The following NSMCE4A variants were observed in gnomAD, a reference collection of about 807,000 sequenced individuals.
The protein encoded by NSMCE4A is NSE4A component of SMC5/6 complex, also known as non-structural maintenance of chromosomes element 4 homolog A.
NSMCE4A carries 40 observed loss-of-function variants against 47.9 expected under a neutral mutation model. That is an observed-to-expected ratio of 0.83 (90% CI 0.65 to 1.09). The LOEUF (loss-of-function observed/expected upper bound fraction) is 1.09. Ranked by LOEUF, NSMCE4A falls within the 50% of genes least tolerant of loss-of-function variation. The pLI, the probability that NSMCE4A is intolerant of heterozygous loss-of-function variation, is 0.00. For synonymous variants in NSMCE4A, 166 were observed against 178.5 expected (o/e 0.93, Z 0.56); for missense variants, 500 against 507.0 (o/e 0.99, Z 0.13).
chr10:121,974,800 C>A (rs1001767906), intron 1 of NSMCE4A, 74 bp downstream of exon 1: 2 of 1,229,952 alleles, frequency 1.6e-6, no homozygotes, highest in Non-Finnish European at 1.0e-6. Flanking sequence ...CCTCCGGTGC[C>A]CTCCCCCCGC....
rs1299538134 is a variant in NSMCE4A at position 121,960,873 on chromosome 10, T to G, written c.940-467A>C. 6.6e-6 allele frequency among the ~76,000 whole-genome samples: 1 copy of G among 152,186 alleles called. No homozygotes were observed. The highest frequency in any genetic ancestry group is 1.5e-5 in the Non-Finnish European group (1 of 68,036). ...AAAGATAGTCTAAAGCAAATTTCCATGGTACATATCTGAGTAGAGTTTTAA... is the reference window on the plus strand; with the variant it reads ...AAAGATAGTCTAAAGCAAATTTCCAGGGTACATATCTGAGTAGAGTTTTAA... On this transcript the variant is annotated intron_variant, in intron 7 of 10. Coordinates refer to ENST00000369023, the MANE Select transcript of NSMCE4A (RefSeq NM_017615.3). This position sits in a 1 kb window ranked among gnomAD's most constrained non-coding sequence, Gnocchi z 4.2.
intron 7 of NSMCE4A, among the ~76,000 whole-genome samples, chr10:121,961,154 T>A (rs1434493264): frequency 6.6e-6 from 1 of 152,244 alleles, no homozygotes; most frequent in Non-Finnish European, 1.5e-5. Flanking sequence ...AAATTTAACA[T>A]TTATACCATA....
chr10:121,961,640 C>T (rs1466758349), intron 6 of NSMCE4A, 123 bp from the exon 7 acceptor site: 6 of 589,718 alleles, frequency 1.0e-5, no homozygotes, highest in Middle Eastern at 5.8e-4. Flanking sequence ...GCAAATCAAT[C>T]CAACCCTTCT....
chr10:121,971,170 TAA>T (rs58195348), intron 2 of NSMCE4A, 101 bp from the exon 3 acceptor site: 553 of 670,172 alleles, frequency 8.3e-4, no homozygotes, highest in South Asian at 1.4e-3. Flanking sequence ...CCCACTGGAC[TAA>T]AAAAAAAAAA....
At chr10:121,958,825 C>CTTTTTTTTTTT (rs778070060) in intron 10 of NSMCE4A, among the ~76,000 whole-genome samples, 3 of 146,834 alleles carry the variant, frequency 2.0e-5, no homozygotes, top group Non-Finnish European at 3.0e-5. Flanking sequence ...AGCTGCAAGT[C>CTTTTTTTTTTT]TTTTTTTTGA....
chr10:121,964,619 T>C (rs1223935485), intron 5 of NSMCE4A, among the ~76,000 whole-genome samples: 3 of 151,186 alleles, frequency 2.0e-5, no homozygotes, highest in African/African-American at 4.9e-5. Context: ...TTTCTGTATT[T>C]TTAGTAGAGA....
At chr10:121,964,379 A>T (rs1042698384) in intron 5 of NSMCE4A, among the ~76,000 whole-genome samples, 3 of 151,762 alleles carry the variant, frequency 2.0e-5, no homozygotes, top group African/African-American at 4.8e-5. Context: ...TCCTGACCTC[A>T]GGTGGATCTG....
intron 4 of NSMCE4A, chr10:121,966,072 C>G (rs566361574): frequency 6.6e-6 from 1 of 152,146 alleles, no homozygotes; most frequent in African/African-American, 2.4e-5. Context: ...TCCTGCTCCA[C>G]AAGGAGCAGT....
Position 121,975,089 on chromosome 10 carries a change from G to A in NSMCE4A, c.77C>T (p.Ser26Phe), listed in dbSNP as rs1237655878. The stretch of plus-strand genomic sequence containing the variant: ...CAAAGGGGACCGCGAGCGGGAGCGG[G>A]AGCGGGTGCGATCCCGATGCGGGTC... ...GRDPHRDRTR[S>F]RSRSRSPLSP... The change falls in exon 1 of 11, where the codon TCC (serine) becomes TTC (phenylalanine). Residue 26 changes from serine (S) to phenylalanine (F), a missense_variant. Ser to Phe is a radical substitution (Grantham distance 155, BLOSUM62 -2). Transcript: ENST00000369023. The A allele has an allele frequency of 2.1e-6, 3 of 1,443,446 alleles. No individual in the cohort carries two copies. The highest frequency in any genetic ancestry group is 3.1e-5 in the Admixed American group (1 of 32,678). The allele number at this position is 1,443,446 out of a possible 1,614,324, so 89.4% of individuals were successfully genotyped here. A position where few individuals can be genotyped will look rare whatever the true frequency, so the allele number is the denominator to read the frequency against.
intron 2 of NSMCE4A, among the ~76,000 whole-genome samples, chr10:121,971,942 T>TA (rs1371287282): frequency 2.0e-5 from 3 of 152,060 alleles, no homozygotes; most frequent in African/African-American, 7.2e-5. Flanking sequence ...AGGTAGCAGG[T>TA]AGTGACCCGA....
At chr10:121,964,143 C>CTTT (rs1244382975) in intron 5 of NSMCE4A, among the ~76,000 whole-genome samples, 3 of 127,472 alleles carry the variant, frequency 2.4e-5, no homozygotes, top group African/African-American at 8.9e-5. Flanking sequence ...GTTTCAGTAA[C>CTTT]TTTTTTTTTT....
Position 121,961,502 on chromosome 10 carries a change from G to T in NSMCE4A, c.860C>A (p.Ser287Tyr). The T allele has an allele frequency of 6.4e-7, 1 of 1,561,070 alleles. No homozygotes were observed. The highest frequency in any genetic ancestry group is 1.2e-5 in the South Asian group (1 of 82,072). ...YFREDPDTPM[S>Y]FFDFVVDPHS... is the part of the protein sequence containing the mutation. ...AGGATCAACCACAAAGTCAAAGAAG[G>T]ACATTGGGGTATCAGCTATAGACAA... The change falls in exon 7 of 11, where the codon TCC becomes TAC. Residue 287 changes from serine to tyrosine, a missense_variant. By Grantham distance (144) the Ser-to-Tyr change is moderately radical. Coordinates refer to ENST00000369023, the MANE Select transcript of NSMCE4A (RefSeq NM_017615.3).
chr10:121,974,758 T>A, intron 1 of NSMCE4A, 116 bp downstream of exon 1: 1 of 1,169,704 alleles, frequency 8.5e-7, no homozygotes, highest in Non-Finnish European at 1.1e-6. Flanking sequence ...GCGTCTCTAC[T>A]AACGCCGCGC....
At position 121,960,238 on chromosome 10, in the gene NSMCE4A, A is replaced by G. The variant is rs74826653; in HGVS notation, c.988+120T>C. 6,499 of 672,820 alleles carry G rather than the reference A, an allele frequency of 9.7e-3. 304 individuals are homozygous for G. In the African/African-American group the frequency reaches 0.11, roughly 11 times the overall value. 41.7% of individuals were successfully genotyped at this position (672,820 alleles called of 1,614,324 possible). On this transcript the variant is annotated intron_variant, in intron 8 of 10. Transcript: ENST00000369023. The surrounding 1 kb of genome is among the most constrained non-coding windows in gnomAD (Gnocchi z 4.2). ...CAGTATCTTCAGGTAGTTGAGCAAG[A>G]TACAATATTGTAAAAGTTAATCTAC... is the stretch of plus-strand genomic sequence containing the variant.
chr10:121,965,411 T>A lies in NSMCE4A; in HGVS notation c.654-26A>T, dbSNP rs766238310. 5.7e-6 allele frequency: 6 copies of A among 1,052,596 alleles called. No homozygotes were observed. The South Asian group carries it at 8.9e-5, about 16-fold the overall frequency. 65.2% of individuals were successfully genotyped at this position (1,052,596 alleles called of 1,614,324 possible). Reference sequence around the variant, plus strand: ...CTAATGAAAAGTATGCTTTCATTTATTTTTTTTGCCTGTTGTTTGTTAAAC... The same window carrying A: ...CTAATGAAAAGTATGCTTTCATTTAATTTTTTTGCCTGTTGTTTGTTAAAC... On this transcript the variant is annotated intron_variant, in intron 4 of 10. Coordinates refer to ENST00000369023, the MANE Select transcript of NSMCE4A (RefSeq NM_017615.3).
At chr10:121,962,078 C>T in intron 6 of NSMCE4A, 1 of 381,240 alleles carries the variant, frequency 2.6e-6, no homozygotes, top group Non-Finnish European at 5.1e-6. Context: ...CCACTGCATT[C>T]CAGTCTGGGC....
At chr10:121,967,950 T>C in intron 3 of NSMCE4A, 144 bp from the exon 4 acceptor site, 1 of 773,846 alleles carries the variant, frequency 1.3e-6, no homozygotes, top group Non-Finnish European at 2.0e-6. Context: ...AATTTCTTAC[T>C]GTGAAGATAA....
chr10:121,970,115 T>G (rs1952678992), intron 3 of NSMCE4A, among the ~76,000 whole-genome samples: 1 of 152,126 alleles, frequency 6.6e-6, no homozygotes, highest in South Asian at 2.1e-4. Flanking sequence ...GTTTTAGAAT[T>G]GCAGGTAACC....
At position 121,960,193 on chromosome 10, in the gene NSMCE4A, T is replaced by G; in HGVS notation, c.988+165A>C. ...TGATATAGATGAATCCATCAAAATT[T>G]TAGACGCTGGCCATGTTTTCAGTAT... On this transcript the variant is annotated intron_variant, in intron 8 of 10. Transcript: ENST00000369023. This position sits in a 1 kb window ranked among gnomAD's most constrained non-coding sequence, Gnocchi z 4.2. 2.2e-6 allele frequency: 1 copy of G among 451,396 alleles called. No individual in the cohort carries two copies. 28.0% of individuals were successfully genotyped at this position (451,396 alleles called of 1,614,324 possible). A position where few individuals can be genotyped will look rare whatever the true frequency, so the allele number is the denominator to read the frequency against.
Sources: allele counts gnomAD v4.1 joint callset (sites outside exome capture counted in the v4.1 genomes callset), GRCh38; gene constraint gnomAD v4.1.1; non-coding constraint Gnocchi (gnomAD v3.1); transcripts MANE v1.5; gene names NCBI Gene and HGNC (gene_info 2026-07-23, HGNC 2026-07-21).